Variants in ABCC9 observed in about 807,000 individuals in gnomAD.
ABCC9 encodes the protein ATP-binding cassette sub-family C member 9.
In ABCC9, 95 loss-of-function variants were observed where a neutral mutation model predicts 188.3. That is an observed-to-expected ratio of 0.50 (90% CI 0.43 to 0.60). The LOEUF is 0.60. ABCC9 is among the 20% of genes least tolerant of loss of function. The pLI is 0.00. For synonymous variants in ABCC9, 659 were observed against 652.7 expected (o/e 1.01, Z -0.15); for missense variants, 1,102 against 1,876.3 (o/e 0.59, Z 7.62).
In ABCC9 at chr12:21,926,023, C is replaced by T. The variant is rs374849789; in HGVS notation, c.325G>A (p.Val109Met). 17 of 1,613,960 alleles carry T rather than the reference C, an allele frequency of 1.1e-5. No homozygotes were observed. Among genetic ancestry groups the T allele is most frequent in the African/African-American group, 5.3e-5 (4 of 74,900 alleles). ...SRHLHLFMPA[V>M]MGFVATTTSI... ...GTTGTAGTGGCAACGAATCCCATCA[C>T]GGCTGGCATAAAGAGGTGGAGGTGC... is the stretch of plus-strand genomic sequence containing the variant. Residue 109 changes from valine (V) to methionine (M), a missense_variant, in exon 5 of 40, where the codon GTG (valine) becomes ATG (methionine). Around this residue, in one of 12 missense-constraint regions of ABCC9, gnomAD observed 305 missense variants for 573.0 expected, o/e 0.53. Transcript: ENST00000261200.
intron 31 of ABCC9, chr12:21,827,570 A>ACACACT (rs1555182432): frequency 1.1e-4 from 16 of 147,010 alleles, no homozygotes; most frequent in Admixed American, 2.7e-4. Flanking sequence ...ACACACACAC[A>ACACACT]CTCACATATC....
chr12:21,816,118 G>A (rs986395894), intron 33 of ABCC9, among the ~76,000 whole-genome samples: 15 of 93,972 alleles, frequency 1.6e-4, no homozygotes, highest in South Asian at 3.8e-4. Context: ...TTTTGATTAC[G>A]CACTTTTAAG....
At chr12:21,866,634 A>G (rs1012811569) in intron 18 of ABCC9, among the ~76,000 whole-genome samples, 37 of 152,218 alleles carry the variant, frequency 2.4e-4, no homozygotes, top group African/African-American at 8.9e-4. Flanking sequence ...GTGTGCAACA[A>G]ATATTTTTTA....
At chr12:21,849,964 A>T (rs1160195288) in intron 24 of ABCC9, among the ~76,000 whole-genome samples, 1 of 151,904 alleles carries the variant, frequency 6.6e-6, no homozygotes, top group Non-Finnish European at 1.5e-5. Context: ...TTGATCCTTA[A>T]ACTGACAGCT....
chr12:21,901,867 AC>A (rs1947770520), intron 12 of ABCC9, among the ~76,000 whole-genome samples: 1 of 152,112 alleles, frequency 6.6e-6, no homozygotes, highest in Non-Finnish European at 1.5e-5. Flanking sequence ...AGACTTTAAC[AC>A]CCCACTGTCA....
chr12:21,867,022 A>G (rs1008341147), intron 18 of ABCC9, among the ~76,000 whole-genome samples: 29 of 152,152 alleles, frequency 1.9e-4, no homozygotes, highest in Admixed American at 2.6e-4. Context: ...AAAACAGCAC[A>G]TAGGGGATCT....
chr12:21,802,164 A>G (rs1214399617), intron 39 of ABCC9, among the ~76,000 whole-genome samples: 2 of 152,202 alleles, frequency 1.3e-5, no homozygotes, highest in Non-Finnish European at 2.9e-5. Flanking sequence ...TTAACATTGT[A>G]TAGTTCCAGT....
intron 16 of ABCC9, among the ~76,000 whole-genome samples, chr12:21,880,137 TA>T (rs1946548622): frequency 6.6e-6 from 1 of 151,604 alleles, no homozygotes; most frequent in South Asian, 2.1e-4. Context: ...GGAAAATGAC[TA>T]CTACTAAATG....
chr12:21,811,925 A>G (rs995964176), intron 36 of ABCC9, 124 bp downstream of exon 36: 5 of 718,898 alleles, frequency 7.0e-6, no homozygotes, highest in Admixed American at 2.0e-5. Flanking sequence ...GTTGGATGGT[A>G]TATTTGATTT....
intron 18 of ABCC9, among the ~76,000 whole-genome samples, chr12:21,868,240 G>A (rs1945876755): frequency 6.6e-6 from 1 of 152,218 alleles, no homozygotes. Flanking sequence ...TGTGCTGGAT[G>A]AACAACAATG....
intron 30 of ABCC9, among the ~76,000 whole-genome samples, chr12:21,832,294 G>A (rs372755248): frequency 6.6e-6 from 1 of 152,182 alleles, no homozygotes; most frequent in South Asian, 2.1e-4. Context: ...CAATGCGGGG[G>A]AGGAAAAGCA....
intron 30 of ABCC9, among the ~76,000 whole-genome samples, chr12:21,835,735 C>G (rs829068): frequency 0.56 from 84,783 of 151,876 alleles, 24,080 homozygotes; most frequent in Admixed American, 0.64. Context: ...CCTCAGCAAT[C>G]AAATCCATGG....
intron 16 of ABCC9, 113 bp downstream of exon 16, chr12:21,882,653 A>G: frequency 1.1e-6 from 1 of 935,210 alleles, no homozygotes. Context: ...AGGGTTAATG[A>G]CAACTGTAAA....
intron 11 of ABCC9, 32 bp downstream of exon 11, chr12:21,908,045 T>C: frequency 6.2e-7 from 1 of 1,607,302 alleles, no homozygotes; most frequent in Non-Finnish European, 8.5e-7. Flanking sequence ...TTTCTCATTT[T>C]TGTAATTAAG....
At chr12:21,919,432 TG>T (rs1396278071) in intron 5 of ABCC9, among the ~76,000 whole-genome samples, 1 of 151,758 alleles carries the variant, frequency 6.6e-6, no homozygotes, top group East Asian at 1.9e-4. Context: ...TTACATGAAA[TG>T]GAAAATTACT....
At chr12:21,923,176 A>T (rs77492551) in intron 5 of ABCC9, 1 of 151,556 alleles carries the variant, frequency 6.6e-6, no homozygotes, top group African/African-American at 2.4e-5. Context: ...AATGGAAACC[A>T]TAAAGCATCT....
At chr12:21,873,721 A>G (rs1565766472) in intron 17 of ABCC9, among the ~76,000 whole-genome samples, 1 of 152,194 alleles carries the variant, frequency 6.6e-6, no homozygotes, top group Non-Finnish European at 1.5e-5. Flanking sequence ...ACAGATGCAT[A>G]TATCAATGGA....
intron 30 of ABCC9, among the ~76,000 whole-genome samples, chr12:21,831,583 A>T (rs537666470): frequency 6.6e-5 from 10 of 152,288 alleles, no homozygotes; most frequent in South Asian, 6.2e-4. Context: ...TGCACCAAGC[A>T]GAGGATCAGC....
At chr12:21,908,347 T>G in intron 10 of ABCC9, 136 bp from the exon 11 acceptor site, 1 of 1,114,598 alleles carries the variant, frequency 9.0e-7, no homozygotes, top group Non-Finnish European at 1.3e-6. Context: ...GGTATTAGGG[T>G]TCTCTAGAGG....
Sources: allele counts gnomAD v4.1 joint callset (sites outside exome capture counted in the v4.1 genomes callset), GRCh38; gene constraint gnomAD v4.1.1; regional missense constraint gnomAD v4.1.1; transcripts MANE v1.5; gene names NCBI Gene and HGNC (gene_info 2026-07-23, HGNC 2026-07-21).